Variants in OR7C1 observed in about 807,000 individuals in gnomAD.
OR7C1 encodes olfactory receptor 7C1.
For missense variants in OR7C1, 324 were observed against 383.3 expected, an observed-to-expected ratio of 0.85 and a Z score of 1.29; for synonymous variants, 152 against 160.7, an observed-to-expected ratio of 0.95 and a Z score of 0.41.
chr19:14,827,284 A>T, intron 1 of OR7C1: 1 of 1,546,220 alleles, frequency 6.5e-7, no homozygotes. Context: ...CCCTGCAATC[A>T]TGGGCACTTC....
chr19:14,799,983 C>A, exon 5 of OR7C1: 1 of 1,613,990 alleles, frequency 6.2e-7, no homozygotes, highest in Non-Finnish European at 8.5e-7. Context: ...AGGTGGGAGT[C>A]TGAGCATATG....
chr19:14,806,746 G>A lies in OR7C1; in HGVS notation c.-435+3060C>T, dbSNP rs569393826. ...TTTTTATGGCTGCGTAGTATTCTGT[G>A]GTGTATATGCACAAAATTTTGTTTA... On this transcript the variant is annotated intron_variant, in intron 2 of 4. Coordinates refer to ENST00000641666, the Ensembl canonical transcript of OR7C1. 2.0e-5 allele frequency among the ~76,000 whole-genome samples: 3 copies of A among 151,932 alleles called. No individual in the cohort carries two copies. In the East Asian group the frequency reaches 5.8e-4, roughly 29 times the overall value.
chr19:14,828,840 G>A (rs1209465322), intron 1 of OR7C1, among the ~76,000 whole-genome samples: 1 of 145,636 alleles, frequency 6.9e-6, no homozygotes, highest in Non-Finnish European at 1.5e-5. Flanking sequence ...TGTTGACCAT[G>A]TTCTTGTCAC....
exon 5 of OR7C1, chr19:14,800,036 A>G (rs753510548): frequency 5.1e-5 from 82 of 1,614,164 alleles, no homozygotes; most frequent in Non-Finnish European, 6.6e-5. Context: ...GACTAGGTAC[A>G]TGGAGAGGAA....
intron 1 of OR7C1, among the ~76,000 whole-genome samples, chr19:14,817,775 A>T (rs2145065399): frequency 6.6e-6 from 1 of 152,284 alleles, no homozygotes; most frequent in East Asian, 1.9e-4. Flanking sequence ...CACTGCTGAC[A>T]ATTAAGTGGT....
chr19:14,803,432 A>T (rs897944188), intron 2 of OR7C1, among the ~76,000 whole-genome samples: 1 of 151,468 alleles, frequency 6.6e-6, no homozygotes, highest in African/African-American at 2.4e-5. Context: ...GGTCGCTGCC[A>T]TGTTGTCTTC....
At chr19:14,806,842 CAT>C (rs1286129266) in intron 2 of OR7C1, among the ~76,000 whole-genome samples, 1 of 151,958 alleles carries the variant, frequency 6.6e-6, no homozygotes, top group Non-Finnish European at 1.5e-5. Flanking sequence ...CTGCAATAAA[CAT>C]ATGTGTGGAT....
intron 1 of OR7C1, among the ~76,000 whole-genome samples, chr19:14,829,917 CA>C (rs949700662): frequency 2.6e-5 from 4 of 152,206 alleles, no homozygotes; most frequent in African/African-American, 9.7e-5. Context: ...GGCAGGAGTG[CA>C]GTGGTGTGAT....
chr19:14,835,138 T>C (rs2044872287), exon 1 of OR7C1: 1 of 147,894 alleles, frequency 6.8e-6, no homozygotes, highest in Non-Finnish European at 1.5e-5. Context: ...GGATGATTGA[T>C]GGTGGAGACT....
In OR7C1 at chr19:14,800,156, CAA is replaced by C; in HGVS notation, c.-13-9_-13-8del. On this transcript the variant is annotated splice_polypyrimidine_tract_variant and splice_region_variant and intron_variant, in intron 4 of 4. Transcript: ENST00000641666. ...TTCCATGGGGATAAAATAACTGCCA[CAA>C]GAGAGAAAAAAGCAACAGTCAATTA... 1 of 1,517,452 alleles carries C rather than the reference CAA, an allele frequency of 6.6e-7. No individual in the cohort carries two copies. The highest frequency in any genetic ancestry group is 8.8e-7 in the Non-Finnish European group (1 of 1,133,148). 94.0% of individuals were successfully genotyped at this position (1,517,452 alleles called of 1,614,324 possible). A position where few individuals can be genotyped will look rare whatever the true frequency, so the allele number is the denominator to read the frequency against.
At chr19:14,826,007 A>G (rs1430534545) in intron 1 of OR7C1, 2 of 152,336 alleles carry the variant, frequency 1.3e-5, no homozygotes, top group African/African-American at 2.4e-5. Context: ...ATACTCATGT[A>G]TAATTCAGAT....
At chr19:14,811,519 G>A (rs1429664938) in intron 1 of OR7C1, among the ~76,000 whole-genome samples, 1 of 151,904 alleles carries the variant, frequency 6.6e-6, no homozygotes, top group Non-Finnish European at 1.5e-5. Context: ...TATCTGTAAA[G>A]ACTCTTCATC....
chr19:14,811,445 G>A (rs968054544), intron 1 of OR7C1, among the ~76,000 whole-genome samples: 1 of 151,870 alleles, frequency 6.6e-6, no homozygotes, highest in African/African-American at 2.4e-5. Flanking sequence ...TAAAGACACT[G>A]TGTCATTGAA....
At chr19:14,799,284 G>T in exon 5 of OR7C1, 1 of 1,614,172 alleles carries the variant, frequency 6.2e-7, no homozygotes, top group East Asian at 2.2e-5. Flanking sequence ...AAGGGGTTCA[G>T]CATGGGGGTG....
chr19:14,826,341 C>T (rs1320757995), intron 1 of OR7C1: 1 of 152,132 alleles, frequency 6.6e-6, no homozygotes, highest in Non-Finnish European at 1.5e-5. Flanking sequence ...CACTGACCTG[C>T]ACTTTAATGT....
intron 2 of OR7C1, among the ~76,000 whole-genome samples, chr19:14,809,589 A>T (rs2147650110): frequency 6.6e-6 from 1 of 152,040 alleles, no homozygotes. Context: ...GATTGAAAGC[A>T]AGAAGAAACA....
intron 1 of OR7C1, chr19:14,828,082 G>A: frequency 6.2e-7 from 1 of 1,614,160 alleles, no homozygotes. Context: ...GTGTGGAGGT[G>A]GGAGTCTGAG....
At chr19:14,824,949 G>C (rs1156278500) in intron 1 of OR7C1, 1 of 152,182 alleles carries the variant, frequency 6.6e-6, no homozygotes, top group Non-Finnish European at 1.5e-5. Context: ...ATACTGACCA[G>C]GTGTGGTGGT....
rs771523685 is a variant in OR7C1 at position 14,807,191 on chromosome 19, G to A, written c.-435+2615C>T. 6.7e-4 allele frequency among the ~76,000 whole-genome samples: 101 copies of A among 151,874 alleles called. 1 individual carries two copies. Among genetic ancestry groups the A allele is most frequent in the Non-Finnish European group, 1.1e-3 (77 of 68,014 alleles). Reference sequence around the variant, plus strand: ...CCGCATAAATGTCTCCTTTTGAGAAGTGTCTGTTCATGTAGGGATGGCCAT... The same window carrying A: ...CCGCATAAATGTCTCCTTTTGAGAAATGTCTGTTCATGTAGGGATGGCCAT... On this transcript the variant is annotated intron_variant, in intron 2 of 4. Transcript: ENST00000641666.
Sources: gnomAD v4.1 joint callset for allele counts (sites outside exome capture counted in the v4.1 genomes callset) on GRCh38, gnomAD v4.1.1 for gene constraint, MANE v1.5 for transcripts, NCBI Gene and HGNC (gene_info 2026-07-23, HGNC 2026-07-21) for gene names.